The following ADAMTSL1 variants were observed in gnomAD, a reference collection of about 807,000 sequenced individuals.
ADAMTSL1 encodes the protein ADAMTS like 1, also known as ADAMTS-like protein 1.
ADAMTSL1 carries 126 observed loss-of-function variants against 201.8 expected under a neutral mutation model. The observed-to-expected ratio is 0.62, with a 90% CI of 0.54 to 0.72. The LOEUF is 0.72. Ranked by LOEUF, ADAMTSL1 falls within the 30% of genes least tolerant of loss-of-function variation. The pLI is 0.00. For missense variants in ADAMTSL1, 2,679 were observed against 2,277.8 expected (o/e 1.18, Z -3.59); for synonymous variants, 1,121 against 903.4 (o/e 1.24, Z -4.32).
intron 1 of ADAMTSL1, among the ~76,000 whole-genome samples, chr9:18,132,932 G>A (rs773106635): frequency 6.6e-6 from 1 of 152,128 alleles, no homozygotes; most frequent in Non-Finnish European, 1.5e-5. Flanking sequence ...TACGGAGATA[G>A]CGTTCAGACT....
At chr9:17,988,756 G>C (rs930943604) in intron 1 of ADAMTSL1, among the ~76,000 whole-genome samples, 2 of 151,794 alleles carry the variant, frequency 1.3e-5, no homozygotes, top group Non-Finnish European at 2.9e-5. Context: ...TCCTTTTTCA[G>C]AGGAAGACAA....
intron 1 of ADAMTSL1, among the ~76,000 whole-genome samples, chr9:17,983,589 A>G (rs886761684): frequency 2.0e-5 from 3 of 152,202 alleles, no homozygotes; most frequent in Admixed American, 6.5e-5. Context: ...AGAATTTGAT[A>G]TTATGTAATT....
chr9:18,559,049 T>C (rs1821301886), intron 3 of ADAMTSL1, among the ~76,000 whole-genome samples: 1 of 152,190 alleles, frequency 6.6e-6, no homozygotes, highest in Non-Finnish European at 1.5e-5. Flanking sequence ...TTGTTGCCAT[T>C]GGTTTTGGTG....
At chr9:18,705,907 C>CA (rs1832204194) in intron 13 of ADAMTSL1, among the ~76,000 whole-genome samples, 2 of 152,190 alleles carry the variant, frequency 1.3e-5, no homozygotes, top group African/African-American at 4.8e-5. Context: ...GATGGAGTCA[C>CA]AGGGCAAACC....
chr9:18,183,845 A>T (rs550923878), intron 2 of ADAMTSL1, among the ~76,000 whole-genome samples: 1 of 152,354 alleles, frequency 6.6e-6, no homozygotes, highest in Admixed American at 6.5e-5. Flanking sequence ...TCTTGTATGG[A>T]TAACTTTTCT....
chr9:18,350,986 T>C (rs1158240355), intron 2 of ADAMTSL1, among the ~76,000 whole-genome samples: 1 of 152,154 alleles, frequency 6.6e-6, no homozygotes, highest in Non-Finnish European at 1.5e-5. Flanking sequence ...TATATGGAGC[T>C]TTTAGCTATG....
intron 4 of ADAMTSL1, among the ~76,000 whole-genome samples, chr9:18,603,457 A>G (rs994400697): frequency 7.2e-5 from 11 of 152,104 alleles, no homozygotes; most frequent in Non-Finnish European, 1.6e-4. Context: ...TGTTGGGTCC[A>G]TATATGTCTT....
intron 1 of ADAMTSL1, among the ~76,000 whole-genome samples, chr9:17,977,593 T>C (rs931031831): frequency 8.5e-5 from 13 of 152,224 alleles, no homozygotes; most frequent in African/African-American, 3.1e-4. Context: ...TAGTTGTTCA[T>C]AGTAGTCCCT....
chr9:18,783,335 G>A (rs550553349), intron 19 of ADAMTSL1, among the ~76,000 whole-genome samples: 134 of 152,284 alleles, frequency 8.8e-4, no homozygotes, highest in Non-Finnish European at 1.7e-3. Context: ...AAAATCCAAC[G>A]TGCATAATAA....
At chr9:18,034,333 T>G (rs1821101905) in intron 1 of ADAMTSL1, among the ~76,000 whole-genome samples, 1 of 152,060 alleles carries the variant, frequency 6.6e-6, no homozygotes, top group Non-Finnish European at 1.5e-5. Context: ...CACTCTTACT[T>G]TCTAATTCCC....
intron 23 of ADAMTSL1, among the ~76,000 whole-genome samples, chr9:18,865,134 C>T (rs989372415): frequency 5.9e-5 from 9 of 152,114 alleles, no homozygotes; most frequent in South Asian, 2.1e-4. Flanking sequence ...TGGTGTGCTG[C>T]ACCCATTAAC....
intron 13 of ADAMTSL1, among the ~76,000 whole-genome samples, chr9:18,699,429 A>T (rs1469675384): frequency 6.7e-6 from 1 of 150,184 alleles, no homozygotes; most frequent in African/African-American, 2.5e-5. Flanking sequence ...GGTGCAAGAG[A>T]TCCTCCCACC....
intron 1 of ADAMTSL1, among the ~76,000 whole-genome samples, chr9:18,000,419 T>A (rs1239731747): frequency 1.3e-5 from 2 of 151,978 alleles, no homozygotes; most frequent in African/African-American, 2.4e-5. Context: ...CTCATCCGGT[T>A]TTCTCTTTAG....
intron 2 of ADAMTSL1, among the ~76,000 whole-genome samples, chr9:18,286,022 A>C (rs188481860): frequency 2.6e-5 from 4 of 151,798 alleles, no homozygotes; most frequent in Admixed American, 1.3e-4. Context: ...AGCTCTATGC[A>C]ACTGGTTACT....
Position 18,275,426 on chromosome 9 carries a change from C to T in ADAMTSL1, c.207+111445C>T, listed in dbSNP as rs146501729. Among the ~76,000 whole-genome samples, 404 of 152,208 alleles carry T rather than the reference C, an allele frequency of 2.7e-3. 3 individuals are homozygous for T. Among genetic ancestry groups the T allele is most frequent in the African/African-American group, 9.4e-3 (392 of 41,546 alleles). Reference sequence around the variant, plus strand: ...ATGAGTTTTGGTAAATATGAATAGTCATCCAACTATCACCAACCACAGTCA... The same window carrying T: ...ATGAGTTTTGGTAAATATGAATAGTTATCCAACTATCACCAACCACAGTCA... On this transcript the variant is annotated intron_variant, in intron 2 of 29. Coordinates refer to the ADAMTSL1 transcript ENST00000680146.
At chr9:18,741,703 C>G (rs1818838312) in intron 15 of ADAMTSL1, among the ~76,000 whole-genome samples, 1 of 152,160 alleles carries the variant, frequency 6.6e-6, no homozygotes, top group South Asian at 2.1e-4. Context: ...AGGGGCCTTC[C>G]TTGCCTCTTC....
chr9:18,457,080 C>A (rs1418733039), intron 2 of ADAMTSL1, among the ~76,000 whole-genome samples: 1 of 151,934 alleles, frequency 6.6e-6, no homozygotes, highest in Non-Finnish European at 1.5e-5. Context: ...ATTTTGTCAC[C>A]CCACATTTCA....
chr9:18,826,228 A>C lies in ADAMTSL1; in HGVS notation c.3935-56A>C, dbSNP rs781552829. ...AGAAGCTATAAATGCCTCTGGGCTC[A>C]CCTGAATGTGTTTGACTGATGAGTG... On this transcript the variant is annotated intron_variant, in intron 21 of 28. Transcript: ENST00000380548. 3.9e-6 allele frequency: 6 copies of C among 1,551,046 alleles called. No individual in the cohort carries two copies. The South Asian group carries it at 5.9e-5, about 15-fold the overall frequency.
chr9:17,996,493 A>G (rs1232758429), intron 1 of ADAMTSL1, among the ~76,000 whole-genome samples: 1 of 152,130 alleles, frequency 6.6e-6, no homozygotes, highest in East Asian at 1.9e-4. Context: ...AAGATTGAAC[A>G]CAGGGATCAT....
Sources: allele counts gnomAD v4.1 joint callset (sites outside exome capture counted in the v4.1 genomes callset), GRCh38; gene constraint gnomAD v4.1.1; transcripts MANE v1.5; gene names NCBI Gene and HGNC (gene_info 2026-07-23, HGNC 2026-07-21).